STOX2: variants seen among roughly 807,000 people sequenced by gnomAD.
The protein encoded by STOX2 is storkhead-box protein 2.
In STOX2, 28 loss-of-function variants were observed where a neutral mutation model predicts 60.9. The ratio of observed to expected loss-of-function variants is 0.46; its 90% CI spans 0.34 to 0.63. The LOEUF is 0.63. Ranked by LOEUF, STOX2 falls within the 30% of genes least tolerant of loss-of-function variation. The pLI is 0.01. For synonymous variants in STOX2, 472 were observed against 463.9 expected (o/e 1.02, Z -0.22); for missense variants, 1,024 against 1,187.7 (o/e 0.86, Z 2.03).
chr4:183,886,621 T>G (rs1342781721), intron 1 of STOX2, among the ~76,000 whole-genome samples: 3 of 152,228 alleles, frequency 2.0e-5, no homozygotes, highest in Admixed American at 2.0e-4. Context: ...GCAGCCAGAC[T>G]GGAATTAAGC....
At chr4:183,894,843 C>T (rs1049929105) in intron 1 of STOX2, among the ~76,000 whole-genome samples, 5 of 152,174 alleles carry the variant, frequency 3.3e-5, no homozygotes, top group African/African-American at 1.2e-4. Flanking sequence ...CGGTCTCTTG[C>T]ACCATCTGTA....
chr4:183,931,108 T>A (rs1742408824), intron 1 of STOX2, among the ~76,000 whole-genome samples: 1 of 152,206 alleles, frequency 6.6e-6, no homozygotes. Context: ...TCTTCATTTA[T>A]CATCTACTAT....
chr4:183,819,030 G>C (rs563069840), intron 1 of STOX2, among the ~76,000 whole-genome samples: 1 of 151,632 alleles, frequency 6.6e-6, no homozygotes, highest in African/African-American at 2.4e-5. Context: ...ATGGGATGGC[G>C]GCTGGGCAGA....
intron 1 of STOX2, among the ~76,000 whole-genome samples, chr4:183,874,271 C>T (rs532342169): frequency 6.6e-6 from 1 of 152,268 alleles, no homozygotes; most frequent in Non-Finnish European, 1.5e-5. Context: ...AGGCTTCATC[C>T]CTTGGTAAAA....
At chr4:183,995,523 C>T (rs527622268) in intron 1 of STOX2, among the ~76,000 whole-genome samples, 31 of 152,044 alleles carry the variant, frequency 2.0e-4, no homozygotes, top group South Asian at 6.2e-4. Flanking sequence ...AAAATGGATG[C>T]GCTTGATAAA....
chr4:183,930,357 A>C (rs2111113810), intron 1 of STOX2, among the ~76,000 whole-genome samples: 1 of 148,286 alleles, frequency 6.7e-6, no homozygotes, highest in East Asian at 2.1e-4. Context: ...TTTTGTTATT[A>C]TTTTTTATTG....
intron 1 of STOX2, among the ~76,000 whole-genome samples, chr4:183,833,981 CAAAAAAAAAAA>C (rs70959149): frequency 1.5e-4 from 12 of 79,850 alleles, no homozygotes; most frequent in Non-Finnish European, 2.6e-4. Context: ...GACTCCGTCT[CAAAAAAAAAAA>C]AAAAAAAAAG....
intron 1 of STOX2, among the ~76,000 whole-genome samples, chr4:183,894,097 G>A (rs906718837): frequency 6.6e-6 from 1 of 152,224 alleles, no homozygotes; most frequent in African/African-American, 2.4e-5. Context: ...GCTGCAGTGA[G>A]CGGTGATCAT....
At chr4:183,994,312 T>A (rs967660449) in intron 1 of STOX2, among the ~76,000 whole-genome samples, 3 of 152,198 alleles carry the variant, frequency 2.0e-5, no homozygotes, top group Non-Finnish European at 4.4e-5. Context: ...TTAACTTGCG[T>A]GTTAATTTTG....
At chr4:183,973,080 G>A (rs1036380172) in intron 1 of STOX2, among the ~76,000 whole-genome samples, 8 of 151,972 alleles carry the variant, frequency 5.3e-5, no homozygotes, top group Non-Finnish European at 1.2e-4. Flanking sequence ...AAAAAAATAA[G>A]TAAACAGAGC....
At chr4:183,882,424 G>A (rs1186029220) in intron 1 of STOX2, among the ~76,000 whole-genome samples, 4 of 152,136 alleles carry the variant, frequency 2.6e-5, no homozygotes, top group African/African-American at 9.7e-5. Flanking sequence ...CCAGTGGGTC[G>A]GTTAATCCCG....
intron 1 of STOX2, among the ~76,000 whole-genome samples, chr4:183,827,101 C>T (rs1483490635): frequency 6.6e-6 from 1 of 152,140 alleles, no homozygotes; most frequent in African/African-American, 2.4e-5. Context: ...GTAGTATAGT[C>T]AGTATTTGAA....
chr4:183,954,490 A>G (rs977105022), intron 1 of STOX2, among the ~76,000 whole-genome samples: 1 of 151,800 alleles, frequency 6.6e-6, no homozygotes, highest in African/African-American at 2.4e-5. Context: ...GGGTTTCACC[A>G]TGTTGGCCAG....
At chr4:183,831,186 T>C (rs1739559033) in intron 1 of STOX2, among the ~76,000 whole-genome samples, 1 of 152,072 alleles carries the variant, frequency 6.6e-6, no homozygotes, top group African/African-American at 2.4e-5. Context: ...GCTAAAGGTC[T>C]ACAGGAGAGA....
rs1391775807 is a variant in STOX2, at chr4:184,021,328, TTCTA to T, written c.*4048_*4051del. 3 of 152,352 alleles carry T rather than the reference TTCTA, an allele frequency of 2.0e-5. No individual in the cohort carries two copies. Among genetic ancestry groups the T allele is most frequent in the East Asian group, 3.9e-4 (2 of 5,192 alleles). The allele number at this position is 152,352 out of a possible 1,614,324, so 9.4% of individuals were successfully genotyped here. On this transcript the variant is annotated 3_prime_UTR_variant, in exon 4 of 4. Coordinates refer to ENST00000308497, the MANE Select transcript of STOX2 (RefSeq NM_020225.3). ...CAGTGGCAGCTATTGATGATCTGTTTTCTATCTGTTTGATAGAGCATCATGAGAA... is the reference window on the plus strand; with the variant it reads ...CAGTGGCAGCTATTGATGATCTGTTTTCTGTTTGATAGAGCATCATGAGAA...
intron 1 of STOX2, among the ~76,000 whole-genome samples, chr4:183,802,291 A>G (rs1738783120): frequency 6.6e-6 from 1 of 152,232 alleles, no homozygotes; most frequent in African/African-American, 2.4e-5. Context: ...TCAAGATTTT[A>G]TTCTTTTCCA....
intron 1 of STOX2, among the ~76,000 whole-genome samples, chr4:183,810,098 A>G (rs1739001140): frequency 6.6e-6 from 1 of 152,208 alleles, no homozygotes; most frequent in East Asian, 1.9e-4. Flanking sequence ...TTGACCTTGT[A>G]ACTACAGTAC....
chr4:183,937,263 C>T (rs1742615084), intron 1 of STOX2, among the ~76,000 whole-genome samples: 1 of 152,180 alleles, frequency 6.6e-6, no homozygotes, highest in Non-Finnish European at 1.5e-5. Context: ...CTGAGATAAC[C>T]TGTCATTTAA....
chr4:183,941,212 A>G (rs1449332478), intron 1 of STOX2, among the ~76,000 whole-genome samples: 5 of 152,168 alleles, frequency 3.3e-5, no homozygotes, highest in Non-Finnish European at 5.9e-5. Flanking sequence ...GTATTTGTTC[A>G]TAATATTCAT....
Sources: gnomAD v4.1 joint callset for allele counts (sites outside exome capture counted in the v4.1 genomes callset) on GRCh38, gnomAD v4.1.1 for gene constraint, MANE v1.5 for transcripts, NCBI Gene and HGNC (gene_info 2026-07-23, HGNC 2026-07-21) for gene names.